ZNF462: variants seen among roughly 807,000 people sequenced by gnomAD.
ZNF462 encodes zinc finger PBX1-interacting protein.
ZNF462 carries 10 observed loss-of-function variants against 201.9 expected under a neutral mutation model. That is an observed-to-expected ratio of 0.05 (90% CI 0.03 to 0.08). The LOEUF (loss-of-function observed/expected upper bound fraction) is 0.08. ZNF462 is among the 10% of genes least tolerant of loss of function. The probability of loss-of-function intolerance (pLI) is 1.00; values close to 1 mark genes in which losing one functional copy is unlikely to be tolerated. For missense variants in ZNF462, 2,523 were observed against 3,168.3 expected, an observed-to-expected ratio of 0.80 and a Z score of 4.89; for synonymous variants, 1,227 against 1,193.3, an observed-to-expected ratio of 1.03 and a Z score of -0.58.
In ZNF462 at chr9:106,954,323, A is replaced by G. The variant is rs1831482861; in HGVS notation, c.6427+15216A>G. The stretch of plus-strand genomic sequence containing the variant: ...GAGAGAGAAAGAGAGTGAGGGGGGG[A>G]TGTGCCATACTTCTAAACCATCAGA... On this transcript the variant is annotated intron_variant, in intron 7 of 12. Transcript: ENST00000277225. This position sits in a 1 kb window ranked among gnomAD's most constrained non-coding sequence, Gnocchi z 4.0. Among the ~76,000 whole-genome samples, 1 of 151,804 alleles carries G rather than the reference A, an allele frequency of 6.6e-6. No individual in the cohort carries two copies. Among genetic ancestry groups the G allele is most frequent in the Non-Finnish European group, 1.5e-5 (1 of 67,954 alleles).
chr9:106,940,906 CTT>C (rs1443044302), intron 7 of ZNF462, among the ~76,000 whole-genome samples: 1 of 152,168 alleles, frequency 6.6e-6, no homozygotes, highest in Non-Finnish European at 1.5e-5. Context: ...CAAAATCTAA[CTT>C]GACTCAAATT....
intron 7 of ZNF462, among the ~76,000 whole-genome samples, chr9:106,971,375 A>AAACAAC (rs1554713164): frequency 8.1e-4 from 123 of 151,274 alleles, no homozygotes; most frequent in African/African-American, 2.9e-3. Context: ...TTAAAAAAAA[A>AAACAAC]AACAACAACA....
Position 106,930,757 on chromosome 9 carries a change from C to G in ZNF462, c.6012+68C>G. ...TCGAGTTACTTATTAACCCCATTGC[C>G]TAAAGCAGCTCAGGAAAGAGCATCT... On this transcript the variant is annotated intron_variant, in intron 4 of 12. Transcript: ENST00000277225. The surrounding 1 kb of genome is among the most constrained non-coding windows in gnomAD (Gnocchi z 5.8). The G allele has an allele frequency of 6.4e-7, 1 of 1,572,984 alleles. No homozygotes were observed. Among genetic ancestry groups the G allele is most frequent in the East Asian group, 2.3e-5 (1 of 44,312 alleles).
At chr9:106,908,924 T>C (rs1829397401) in intron 1 of ZNF462, among the ~76,000 whole-genome samples, 2 of 31,740 alleles carry the variant, frequency 6.3e-5, no homozygotes, top group Non-Finnish European at 1.2e-4. Flanking sequence ...TATATATATA[T>C]ATATATATAT....
rs1323925141 is a variant in ZNF462, at chr9:106,920,972, G to C, written c.-30-2382G>C. Among the ~76,000 whole-genome samples the C allele has an allele frequency of 6.6e-6, 1 of 152,188 alleles. No individual in the cohort carries two copies. The highest frequency in any genetic ancestry group is 1.5e-5 in the Non-Finnish European group (1 of 68,028). ...GTTTTCCTCTCTGCTACACAATGGA[G>C]CTTTCAGAGAACCTCCTTTAAAAGG... On this transcript the variant is annotated intron_variant, in intron 1 of 12. Coordinates refer to ENST00000277225, the MANE Select transcript of ZNF462 (RefSeq NM_021224.6). The surrounding 1 kb of genome is among the most constrained non-coding windows in gnomAD (Gnocchi z 4.3).
chr9:106,979,572 G>A (rs1187174459), intron 9 of ZNF462: 1 of 151,482 alleles, frequency 6.6e-6, no homozygotes, highest in Non-Finnish European at 1.5e-5. Context: ...AGCTGGAGGA[G>A]AAAGCTCTAG....
At chr9:106,866,521 C>A (rs1372878814) in intron 1 of ZNF462, among the ~76,000 whole-genome samples, 1 of 152,062 alleles carries the variant, frequency 6.6e-6, no homozygotes, top group Admixed American at 6.5e-5. Flanking sequence ...CATGTTTGTG[C>A]AGACAAAAAT....
Position 106,899,193 on chromosome 9 carries a change from GGA to G in ZNF462, c.-30-24140_-30-24139del, listed in dbSNP as rs143076514. Among the ~76,000 whole-genome samples the G allele has an allele frequency of 1.3e-3, 172 of 134,356 alleles. 1 individual carries two copies. The highest frequency in any genetic ancestry group is 1.3e-3 in the Admixed American group (17 of 12,824). 88.1% of individuals were successfully genotyped at this position (134,356 alleles called of 152,430 possible). Reference sequence around the variant, plus strand: ...AGAAGAAGTTAGGCCAGAGGGACATGGAGAGAGAGAGAGAGAGAGAGAATGTG... The same window carrying G: ...AGAAGAAGTTAGGCCAGAGGGACATGGAGAGAGAGAGAGAGAGAGAATGTG... On this transcript the variant is annotated intron_variant, in intron 1 of 12. Coordinates refer to ENST00000277225, the MANE Select transcript of ZNF462 (RefSeq NM_021224.6).
At chr9:106,939,968 G>T (rs1223938709) in intron 7 of ZNF462, among the ~76,000 whole-genome samples, 3 of 152,162 alleles carry the variant, frequency 2.0e-5, no homozygotes, top group African/African-American at 7.2e-5. Context: ...TTCTGCGGGA[G>T]CCAGTTAGCT....
chr9:106,993,601 C>T lies in ZNF462; in HGVS notation c.7056+9192C>T, dbSNP rs549780705. On this transcript the variant is annotated intron_variant, in intron 10 of 12. Coordinates refer to ENST00000277225, the MANE Select transcript of ZNF462 (RefSeq NM_021224.6). This position sits in a 1 kb window ranked among gnomAD's most constrained non-coding sequence, Gnocchi z 4.0. ...TAGAAGGTTGACTAGTGTAGTCTCT[C>T]CCTCCTCTCCCCCTCCCCTTTACTT... Among the ~76,000 whole-genome samples, 219 of 151,648 alleles carry T rather than the reference C, an allele frequency of 1.4e-3. 2 individuals carry two copies. Among genetic ancestry groups the T allele is most frequent in the African/African-American group, 5.0e-3 (208 of 41,338 alleles).
chr9:107,007,545 A>T (rs559949424), intron 11 of ZNF462, among the ~76,000 whole-genome samples: 1 of 152,348 alleles, frequency 6.6e-6, no homozygotes, highest in South Asian at 2.1e-4. Flanking sequence ...TTCCAGTCAC[A>T]TTAATGGGAA....
rs77431841 is a variant in ZNF462, at chr9:106,992,425, G to A, written c.7056+8016G>A. On this transcript the variant is annotated intron_variant, in intron 10 of 12. Transcript: ENST00000277225. Reference sequence around the variant, plus strand: ...TGTAAAATACCATAGCCACTTCGGAGCAGTTTGGCATTTGTTTATAAGTTA... The same window carrying A: ...TGTAAAATACCATAGCCACTTCGGAACAGTTTGGCATTTGTTTATAAGTTA... Among the ~76,000 whole-genome samples, 1,235 of 152,190 alleles carry A rather than the reference G, an allele frequency of 8.1e-3. 12 individuals carry two copies. Among genetic ancestry groups the A allele is most frequent in the Non-Finnish European group, 0.013 (900 of 67,976 alleles).
rs1043283758 is a variant in ZNF462, at chr9:107,005,488, T to C, written c.7189+2062T>C. On this transcript the variant is annotated intron_variant, in intron 11 of 12. Transcript: ENST00000277225. The surrounding 1 kb of genome is among the most constrained non-coding windows in gnomAD (Gnocchi z 4.4). The stretch of plus-strand genomic sequence containing the variant: ...GATGTTGAACATTTTTTCATATGCC[T>C]GCTGGCCATTTGTATGTCTTCTTTT... Among the ~76,000 whole-genome samples, 5 of 152,232 alleles carry C rather than the reference T, an allele frequency of 3.3e-5. No individual in the cohort carries two copies. Among genetic ancestry groups the C allele is most frequent in the Admixed American group, 2.0e-4 (3 of 15,274 alleles).
At chr9:106,879,688 G>T (rs1203389526) in intron 1 of ZNF462, among the ~76,000 whole-genome samples, 1 of 152,132 alleles carries the variant, frequency 6.6e-6, no homozygotes, top group African/African-American at 2.4e-5. Context: ...GTTGGTAGAA[G>T]CCTGCAGAAT....
intron 11 of ZNF462, among the ~76,000 whole-genome samples, chr9:107,004,445 G>A (rs1330793039): frequency 6.6e-6 from 1 of 152,056 alleles, no homozygotes; most frequent in Non-Finnish European, 1.5e-5. Flanking sequence ...ATGGCTTGGG[G>A]TAAATTATTG....
At chr9:106,863,094 G>A, upstream of ZNF462, 1 of 397,362 alleles carries the variant, frequency 2.5e-6, no homozygotes, top group Non-Finnish European at 4.4e-6. Context: ...GAGAGAGTGA[G>A]AGGGAGAGGG....
intron 1 of ZNF462, among the ~76,000 whole-genome samples, chr9:106,887,034 G>C (rs1828350097): frequency 6.6e-6 from 1 of 152,174 alleles, no homozygotes; most frequent in African/African-American, 2.4e-5. Context: ...TGGTGTTCAT[G>C]AAGACATCCT....
intron 1 of ZNF462, among the ~76,000 whole-genome samples, chr9:106,891,916 T>TCA (rs1223827657): frequency 1.3e-5 from 2 of 152,222 alleles, no homozygotes; most frequent in East Asian, 1.9e-4. Context: ...TCACCTTGCT[T>TCA]TAGAGAGAGA....
Position 106,927,173 on chromosome 9 carries a change from T to A in ZNF462, c.3261T>A (p.Ala1087=). 2.5e-6 allele frequency: 4 copies of A among 1,613,824 alleles called. No homozygotes were observed. The highest frequency in any genetic ancestry group is 3.4e-6 in the Non-Finnish European group (4 of 1,179,954). The change falls in exon 3 of 13, where the codon GCT becomes GCA. Residue 1087 remains alanine (A), a synonymous_variant. Transcript: ENST00000277225. ...CTCAATTATCATTTGAGGTGGGTGC[T>A]CCAATGTCTCCCAAAATGTCCAACA... ...ALSQLSFEVG[A]PMSPKMSNMG...
Sources: gnomAD v4.1 joint callset for allele counts (sites outside exome capture counted in the v4.1 genomes callset) on GRCh38, gnomAD v4.1.1 for gene constraint, Gnocchi (gnomAD v3.1) non-coding constraint, MANE v1.5 for transcripts, NCBI Gene and HGNC (gene_info 2026-07-23, HGNC 2026-07-21) for gene names.